The following VWC2 variants were observed in gnomAD, a reference collection of about 807,000 sequenced individuals.
The protein encoded by VWC2 is von Willebrand factor C domain containing 2.
A neutral mutation model predicts 29.8 loss-of-function variants in VWC2; 14 were observed. That is an observed-to-expected ratio of 0.47 (90% CI 0.31 to 0.74). VWC2 has a LOEUF of 0.74. Ranked by LOEUF, VWC2 falls within the 30% of genes least tolerant of loss-of-function variation. The probability of loss-of-function intolerance (pLI) is 0.05; values close to 1 mark genes in which losing one functional copy is unlikely to be tolerated. For missense variants in VWC2, 457 were observed against 459.8 expected (o/e 0.99, Z 0.05); for synonymous variants, 213 against 199.0 (o/e 1.07, Z -0.59).
At chr7:49,814,966 T>A (rs550682186) in intron 3 of VWC2, among the ~76,000 whole-genome samples, 3 of 152,248 alleles carry the variant, frequency 2.0e-5, no homozygotes, top group Non-Finnish European at 4.4e-5. Flanking sequence ...CTAATCCCAT[T>A]GTATTCTTAT....
intron 2 of VWC2, among the ~76,000 whole-genome samples, chr7:49,792,962 T>C (rs1487352272): frequency 6.6e-6 from 1 of 152,206 alleles, no homozygotes; most frequent in Non-Finnish European, 1.5e-5. Flanking sequence ...GGTCTCTAGA[T>C]CTGGGACAAC....
At chr7:49,789,366 T>A (rs1052984959) in intron 2 of VWC2, among the ~76,000 whole-genome samples, 18 of 151,654 alleles carry the variant, frequency 1.2e-4, no homozygotes, top group African/African-American at 4.4e-4. Context: ...TGTGTGTGTG[T>A]GAGTGTGAGT....
At chr7:49,837,718 C>A (rs552357443) in intron 3 of VWC2, among the ~76,000 whole-genome samples, 1 of 152,280 alleles carries the variant, frequency 6.6e-6, no homozygotes, top group East Asian at 1.9e-4. Flanking sequence ...TTTCCAAATA[C>A]TTACTTACCA....
intron 3 of VWC2, among the ~76,000 whole-genome samples, chr7:49,900,722 C>G (rs2128735505): frequency 6.6e-6 from 1 of 151,816 alleles, no homozygotes; most frequent in South Asian, 2.1e-4. Flanking sequence ...GTGAATTATA[C>G]CAAACATTTA....
intron 3 of VWC2, among the ~76,000 whole-genome samples, chr7:49,847,581 A>G (rs374066105): frequency 6.6e-6 from 1 of 152,244 alleles, no homozygotes; most frequent in East Asian, 1.9e-4. Context: ...GGTTATACTC[A>G]GATATCCCAA....
chr7:49,824,388 T>C (rs998370986), intron 3 of VWC2, among the ~76,000 whole-genome samples: 3 of 152,218 alleles, frequency 2.0e-5, no homozygotes, highest in Admixed American at 6.5e-5. Flanking sequence ...CAATTCACCA[T>C]ATGTGGGGAC....
chr7:49,809,140 A>G (rs747556458), intron 3 of VWC2, among the ~76,000 whole-genome samples: 1 of 152,018 alleles, frequency 6.6e-6, no homozygotes, highest in Non-Finnish European at 1.5e-5. Context: ...CAAAACTTTC[A>G]CTAAACTAAC....
intron 3 of VWC2, among the ~76,000 whole-genome samples, chr7:49,885,155 C>T (rs1791842996): frequency 2.0e-5 from 3 of 152,136 alleles, no homozygotes; most frequent in Middle Eastern, 3.5e-3. Context: ...AAAATAGAAT[C>T]CTTCAAAAAG....
chr7:49,824,752 T>C (rs1018926259), intron 3 of VWC2, among the ~76,000 whole-genome samples: 1 of 152,154 alleles, frequency 6.6e-6, no homozygotes, highest in Non-Finnish European at 1.5e-5. Flanking sequence ...GTTTTTATTA[T>C]ACAGGTTTTG....
intron 2 of VWC2, among the ~76,000 whole-genome samples, chr7:49,782,860 C>A (rs1024222252): frequency 2.0e-5 from 3 of 151,492 alleles, no homozygotes; most frequent in Admixed American, 2.0e-4. Context: ...TCTTAAAAAA[C>A]AGAAAAGAAA....
At chr7:49,859,386 T>G in intron 3 of VWC2, among the ~76,000 whole-genome samples, 1 of 152,352 alleles carries the variant, frequency 6.6e-6, no homozygotes, top group African/African-American at 2.4e-5. Flanking sequence ...ATATATATCC[T>G]CCTTAAAGTT....
At chr7:49,793,419 G>A (rs949590111) in intron 2 of VWC2, among the ~76,000 whole-genome samples, 2 of 150,846 alleles carry the variant, frequency 1.3e-5, no homozygotes, top group Admixed American at 6.6e-5. Flanking sequence ...TTTCCTTTCT[G>A]TTCAGAAGTA....
In VWC2 at chr7:49,921,020, C is replaced by A. The variant is rs1205550084; in HGVS notation, c.*8835C>A. 2 of 152,156 alleles carry A rather than the reference C, an allele frequency of 1.3e-5. No homozygotes were observed. The highest frequency in any genetic ancestry group is 1.9e-4 in the East Asian group (1 of 5,198). 9.4% of individuals were successfully genotyped at this position (152,156 alleles called of 1,614,324 possible). On this transcript the variant is annotated 3_prime_UTR_variant, in exon 4 of 4. Transcript: ENST00000340652. ...AAAGTTTTCCAGTAAGTGTTCATGT[C>A]CTGTACAAATTTATTAAACAACATC...
intron 3 of VWC2, among the ~76,000 whole-genome samples, chr7:49,886,404 G>A (rs965632356): frequency 4.6e-5 from 7 of 152,072 alleles, no homozygotes; most frequent in Non-Finnish European, 7.4e-5. Flanking sequence ...GCTAATATAG[G>A]TAATTAAAAA....
chr7:49,902,019 C>A (rs903688975), intron 3 of VWC2, among the ~76,000 whole-genome samples: 5 of 148,226 alleles, frequency 3.4e-5, no homozygotes, highest in Non-Finnish European at 5.9e-5. Flanking sequence ...GACTTTACAC[C>A]CTTCATAAAA....
chr7:49,843,834 C>T (rs1298321475), intron 3 of VWC2, among the ~76,000 whole-genome samples: 1 of 152,172 alleles, frequency 6.6e-6, no homozygotes, highest in East Asian at 1.9e-4. Context: ...TCTTAGAAAA[C>T]GCAATCTGTC....
chr7:49,785,132 A>G (rs894433122), intron 2 of VWC2, among the ~76,000 whole-genome samples: 1 of 152,250 alleles, frequency 6.6e-6, no homozygotes, highest in African/African-American at 2.4e-5. Context: ...TTAATGAATG[A>G]TATCAATCCC....
At chr7:49,810,276 T>C (rs1157526622) in intron 3 of VWC2, among the ~76,000 whole-genome samples, 1 of 151,986 alleles carries the variant, frequency 6.6e-6, no homozygotes, top group African/African-American at 2.4e-5. Context: ...CAAATGAAAT[T>C]AAGAAAATAA....
chr7:49,901,822 G>A (rs1314858628), intron 3 of VWC2, among the ~76,000 whole-genome samples: 1 of 145,866 alleles, frequency 6.9e-6, no homozygotes, highest in Non-Finnish European at 1.5e-5. Context: ...TAGACACATT[G>A]ATCAATGGAA....
Sources: gnomAD v4.1 joint callset for allele counts (sites outside exome capture counted in the v4.1 genomes callset) on GRCh38, gnomAD v4.1.1 for gene constraint, MANE v1.5 for transcripts, NCBI Gene and HGNC (gene_info 2026-07-23, HGNC 2026-07-21) for gene names.